Variants in SLC28A1 observed in about 807,000 individuals in gnomAD.
SLC28A1 encodes sodium/nucleoside cotransporter 1.
Under a neutral mutation model 74.8 loss-of-function variants are expected in SLC28A1, and 64 were observed. That is an observed-to-expected ratio of 0.86 (90% CI 0.70 to 1.05). SLC28A1 has a LOEUF of 1.05. SLC28A1 is among the 50% of genes least tolerant of loss of function. SLC28A1 has a pLI of 0.00. For synonymous variants in SLC28A1, 359 were observed against 335.0 expected, an observed-to-expected ratio of 1.07 and a Z score of -0.78; for missense variants, 828 against 822.8, an observed-to-expected ratio of 1.01 and a Z score of -0.08.
intron 6 of SLC28A1, among the ~76,000 whole-genome samples, chr15:84,896,603 G>A (rs578106647): frequency 6.6e-6 from 1 of 152,250 alleles, no homozygotes; most frequent in South Asian, 2.1e-4. Context: ...CATGAGGTCA[G>A]GAGTTTGAGA....
chr15:84,906,615 T>TTCCTTCCTTCCC (rs1567141049), intron 8 of SLC28A1, among the ~76,000 whole-genome samples: 1 of 126,528 alleles, frequency 7.9e-6, no homozygotes, highest in African/African-American at 2.9e-5. Flanking sequence ...CCTTCCTTCC[T>TTCCTTCCTTCCC]TCCTTCCTTC....
intron 9 of SLC28A1, among the ~76,000 whole-genome samples, chr15:84,912,927 G>A (rs974641264): frequency 7.2e-5 from 11 of 152,116 alleles, no homozygotes; most frequent in Middle Eastern, 3.4e-3. Context: ...ATGGTTTTCG[G>A]TGAAGGGAAT....
chr15:84,954,697 C>T, the SLC28A1 span, among the ~76,000 whole-genome samples: 3 of 152,304 alleles, frequency 2.0e-5, no homozygotes, highest in Non-Finnish European at 4.4e-5. Flanking sequence ...CATTGTAGCA[C>T]GTTGGCTTCC....
At chr15:84,942,176 A>G (rs1280943959) in intron 15 of SLC28A1, among the ~76,000 whole-genome samples, 1 of 152,154 alleles carries the variant, frequency 6.6e-6, no homozygotes, top group South Asian at 2.1e-4. Flanking sequence ...AGGTGTAAAT[A>G]TTTATGAGGT....
At chr15:84,952,711 C>CG in the SLC28A1 span, among the ~76,000 whole-genome samples, 2 of 152,078 alleles carry the variant, frequency 1.3e-5, no homozygotes, top group Admixed American at 1.3e-4. Flanking sequence ...CATGGTGAAA[C>CG]CAAGTCTCTA....
chr15:84,906,854 G>C (rs1185778342), intron 8 of SLC28A1, among the ~76,000 whole-genome samples: 2 of 152,004 alleles, frequency 1.3e-5, no homozygotes, highest in African/African-American at 4.8e-5. Context: ...CAACTATCAT[G>C]ATTTACTTTT....
At chr15:84,923,460 C>CG (rs1970101135) in intron 11 of SLC28A1, among the ~76,000 whole-genome samples, 3 of 152,100 alleles carry the variant, frequency 2.0e-5, no homozygotes, top group Admixed American at 2.0e-4. Flanking sequence ...ACACAGTAGG[C>CG]GCTCAACAAC....
At position 84,904,202 on chromosome 15, in the gene SLC28A1, C is replaced by T. The variant is rs371838166; in HGVS notation, c.567C>T (p.Val189=). ...CCTTCGCAGGAATCTGCGTGTTCGTCGCTCTCCTCTTTGCCTGCTCAAAGC... is the reference window on the plus strand; with the variant it reads ...CCTTCGCAGGAATCTGCGTGTTCGTTGCTCTCCTCTTTGCCTGCTCAAAGC... ...LVSFAGICVF[V]ALLFACSKHH... is the part of the protein sequence containing the mutation. The change falls in exon 7 of 19, where the codon GTC becomes GTT. Residue 189 remains valine, a synonymous_variant. Transcript: ENST00000394573. The T allele has an allele frequency of 1.4e-4, 232 of 1,614,030 alleles. No individual in the cohort carries two copies. Among genetic ancestry groups the T allele is most frequent in the Non-Finnish European group, 1.8e-4 (217 of 1,180,056 alleles).
intron 7 of SLC28A1, 84 bp downstream of exon 7, chr15:84,904,322 G>A (rs1349413177): frequency 2.5e-6 from 4 of 1,596,086 alleles, no homozygotes; most frequent in African/African-American, 1.3e-5. Flanking sequence ...CTGGGGTATA[G>A]GCAGATGTTC....
intron 12 of SLC28A1, among the ~76,000 whole-genome samples, chr15:84,928,582 CTT>C (rs1297984708): frequency 9.4e-4 from 18 of 19,076 alleles, no homozygotes; most frequent in South Asian, 5.5e-3. Context: ...TTCTTTCTTT[CTT>C]TCTTTCTTTC....
intron 18 of SLC28A1, 73 bp downstream of exon 18, chr15:84,944,940 G>T: frequency 8.3e-7 from 1 of 1,208,062 alleles, no homozygotes. Context: ...TGGGGGGGAT[G>T]CCTTTGGTAC....
In SLC28A1 at chr15:84,935,199, G is replaced by A. The variant is rs775563114; in HGVS notation, c.1383+5G>A. The A allele has an allele frequency of 3.1e-5, 50 of 1,613,894 alleles. No homozygotes were observed. The highest frequency in any genetic ancestry group is 2.0e-4 in the East Asian group (9 of 44,882). On this transcript the variant is annotated splice_donor_5th_base_variant and intron_variant, in intron 14 of 18. Coordinates refer to ENST00000394573, the MANE Select transcript of SLC28A1 (RefSeq NM_004213.5). ...ATCCAAGGGCTCAGCTTCCAGGTGC[G>A]TTTCTGGCCACCACACTCAGTCTGT...
Position 84,887,738 on chromosome 15 carries a change from C to G in SLC28A1, c.-16-7C>G, listed in dbSNP as rs3743162. The G allele has an allele frequency of 6.2e-7, 1 of 1,611,838 alleles. No homozygotes were observed. Among genetic ancestry groups the G allele is most frequent in the African/African-American group, 1.3e-5 (1 of 74,854 alleles). Reference sequence around the variant, plus strand: ...CAGCGTTGGGCGCTCCCTGATTTGTCTTTCAGCTGGAAGGTCTGGGACATG... The same window carrying G: ...CAGCGTTGGGCGCTCCCTGATTTGTGTTTCAGCTGGAAGGTCTGGGACATG... On this transcript the variant is annotated splice_region_variant and splice_polypyrimidine_tract_variant and intron_variant, in intron 2 of 18. Coordinates refer to ENST00000394573, the MANE Select transcript of SLC28A1 (RefSeq NM_004213.5).
chr15:84,942,959 C>A (rs559367321), intron 15 of SLC28A1, among the ~76,000 whole-genome samples: 21 of 152,024 alleles, frequency 1.4e-4, no homozygotes, highest in African/African-American at 4.6e-4. Flanking sequence ...CTGAGGTGGG[C>A]AGATCATCTA....
chr15:84,929,097 C>G (rs1169276842), intron 12 of SLC28A1, among the ~76,000 whole-genome samples: 2 of 152,150 alleles, frequency 1.3e-5, no homozygotes, highest in African/African-American at 2.4e-5. Flanking sequence ...TATTGAAAAA[C>G]TTTTAAGATG....
At chr15:84,920,409 G>A (rs1006886782) in intron 10 of SLC28A1, among the ~76,000 whole-genome samples, 8 of 150,024 alleles carry the variant, frequency 5.3e-5, no homozygotes, top group Admixed American at 4.8e-4. Context: ...TTGTGCCACC[G>A]CACTCCAGCC....
In SLC28A1 at chr15:84,935,140, T is replaced by C; in HGVS notation, c.1329T>C (p.Asn443=). 1 of 1,614,192 alleles carries C rather than the reference T, an allele frequency of 6.2e-7. No individual in the cohort carries two copies. The highest frequency in any genetic ancestry group is 1.1e-5 in the South Asian group (1 of 91,090). The change falls in exon 14 of 19, where the codon AAT becomes AAC. Residue 443 remains asparagine, a synonymous_variant. Coordinates refer to ENST00000394573, the MANE Select transcript of SLC28A1 (RefSeq NM_004213.5). ...IAFLAVLDFI[N]AALSWLGDMV... is the part of the protein sequence containing the mutation. ...TCCTGGCTGTGCTGGACTTTATCAA[T>C]GCTGCCCTCTCCTGGCTGGGAGACA...
At chr15:84,912,454 C>A (rs1024705920) in intron 9 of SLC28A1, among the ~76,000 whole-genome samples, 5 of 152,148 alleles carry the variant, frequency 3.3e-5, no homozygotes, top group African/African-American at 1.2e-4. Context: ...GCTTCTTCAG[C>A]CCTCAGCTTG....
chr15:84,971,590 C>T, the SLC28A1 span, among the ~76,000 whole-genome samples: 38 of 152,290 alleles, frequency 2.5e-4, no homozygotes, highest in African/African-American at 8.7e-4. Context: ...TGGTGCCATG[C>T]TTCTTGTACA....
Sources: allele counts gnomAD v4.1 joint callset (sites outside exome capture counted in the v4.1 genomes callset), GRCh38; gene constraint gnomAD v4.1.1; transcripts MANE v1.5; gene names NCBI Gene and HGNC (gene_info 2026-07-23, HGNC 2026-07-21).